Variants in CDH7 observed in about 807,000 individuals in gnomAD.
CDH7 encodes the protein cadherin 7.
CDH7 carries 25 observed loss-of-function variants against 71.8 expected under a neutral mutation model. The ratio of observed to expected loss-of-function variants is 0.35; its 90% confidence interval spans 0.25 to 0.49. CDH7 has a LOEUF of 0.49. CDH7 is among the 20% of genes least tolerant of loss of function. The probability of loss-of-function intolerance (pLI) is 0.99; values close to 1 mark genes in which losing one functional copy is unlikely to be tolerated. For synonymous variants in CDH7, 381 were observed against 363.8 expected (o/e 1.05, Z -0.54); for missense variants, 862 against 974.6 (o/e 0.88, Z 1.54).
intron 5 of CDH7, among the ~76,000 whole-genome samples, chr18:65,822,888 C>G (rs1014750912): frequency 2.6e-5 from 4 of 151,844 alleles, no homozygotes; most frequent in African/African-American, 9.7e-5. Context: ...AAAAAATTCT[C>G]TAGGTAGAGG....
At position 65,884,929 on chromosome 18, in the gene CDH7, T is replaced by G. The variant is rs2144081630; in HGVS notation, c.*4035T>G. 6.6e-6 allele frequency: 1 copy of G among 152,358 alleles called. No homozygotes were observed. The highest frequency in any genetic ancestry group is 1.5e-5 in the Non-Finnish European group (1 of 68,024). 9.4% of individuals were successfully genotyped at this position (152,358 alleles called of 1,614,324 possible). ...GTTGATGAAAGCTTCAACTTATTTTTTAACTCTTTCTGGTCCACGATGCCT... is the reference window on the plus strand; with the variant it reads ...GTTGATGAAAGCTTCAACTTATTTTGTAACTCTTTCTGGTCCACGATGCCT... On this transcript the variant is annotated 3_prime_UTR_variant, in exon 12 of 12. Transcript: ENST00000397968.
chr18:65,785,490 A>G (rs944256491), intron 2 of CDH7, among the ~76,000 whole-genome samples: 80 of 152,240 alleles, frequency 5.3e-4, no homozygotes, highest in African/African-American at 1.9e-3. Flanking sequence ...TAGAGCTTTT[A>G]TTAGTAGAAG....
intron 2 of CDH7, among the ~76,000 whole-genome samples, chr18:65,777,859 C>T (rs977526893): frequency 4.6e-5 from 7 of 152,118 alleles, no homozygotes; most frequent in Middle Eastern, 3.2e-3. Context: ...GAAGTGTTAT[C>T]AGCCATTTAG....
rs1335052582 is a variant in CDH7 at position 65,852,884 on chromosome 18, AAAGAG to A, written c.1236-4929_1236-4925del. On this transcript the variant is annotated intron_variant, in intron 7 of 11. Transcript: ENST00000397968. ...CTATATTTTAAATATTATATCCTGC[AAAGAG>A]AAAAGTTCAGAAGGTAGGGTAATTT... Among the ~76,000 whole-genome samples the A allele has an allele frequency of 2.6e-5, 4 of 152,302 alleles. No homozygotes were observed. In the East Asian group the frequency reaches 7.7e-4, roughly 29 times the overall value.
At chr18:65,878,024 C>G (rs902112581) in intron 11 of CDH7, among the ~76,000 whole-genome samples, 1 of 152,054 alleles carries the variant, frequency 6.6e-6, no homozygotes, top group Non-Finnish European at 1.5e-5. Context: ...TCACCCCTCA[C>G]TATTGCATTT....
At chr18:65,760,860 A>T (rs1432416500) in intron 1 of CDH7, among the ~76,000 whole-genome samples, 1 of 152,176 alleles carries the variant, frequency 6.6e-6, no homozygotes, top group Admixed American at 6.5e-5. Context: ...AAGTTTAAGC[A>T]CGTCCCTGCC....
At chr18:65,753,404 GT>G (rs1224566637) in intron 1 of CDH7, among the ~76,000 whole-genome samples, 36 of 152,084 alleles carry the variant, frequency 2.4e-4, no homozygotes, top group Admixed American at 2.0e-3. Context: ...ATTTCATAAG[GT>G]TTTACATTTA....
At position 65,883,088 on chromosome 18, in the gene CDH7, A is replaced by C. The variant is rs1169338765; in HGVS notation, c.*2194A>C. On this transcript the variant is annotated 3_prime_UTR_variant, in exon 12 of 12. Transcript: ENST00000397968. ...TGTGTTTTTTCTCATTAATTTTTTC[A>C]AATGGTTACCAATGATAGATTGGAA... 1.3e-5 allele frequency: 2 copies of C among 152,002 alleles called. No individual in the cohort carries two copies. The highest frequency in any genetic ancestry group is 2.9e-5 in the Non-Finnish European group (2 of 67,948). 9.4% of individuals were successfully genotyped at this position (152,002 alleles called of 1,614,324 possible).
intron 6 of CDH7, among the ~76,000 whole-genome samples, chr18:65,833,924 A>G (rs567732351): frequency 2.0e-4 from 31 of 152,268 alleles, no homozygotes; most frequent in African/African-American, 7.5e-4. Context: ...TTTGATAGTG[A>G]TTATAGCAGT....
Position 65,844,466 on chromosome 18 carries a change from A to T in CDH7, c.1235+401A>T, listed in dbSNP as rs541414272. On this transcript the variant is annotated intron_variant, in intron 7 of 11. Coordinates refer to ENST00000397968, the MANE Select transcript of CDH7 (RefSeq NM_004361.5). ...CAATTCAAATTAGGGACTAATTTCT[A>T]AACAAATCATTTTATTGATATTGGT... Among the ~76,000 whole-genome samples, 3 of 152,124 alleles carry T rather than the reference A, an allele frequency of 2.0e-5. No homozygotes were observed. In the South Asian group the frequency reaches 6.2e-4, roughly 32 times the overall value.
chr18:65,836,082 C>T (rs1912523325), intron 6 of CDH7, among the ~76,000 whole-genome samples: 2 of 152,144 alleles, frequency 1.3e-5, no homozygotes, highest in Non-Finnish European at 2.9e-5. Context: ...ATACATGCAG[C>T]TTTTGGACAC....
At chr18:65,852,158 A>G (rs907429597) in intron 7 of CDH7, among the ~76,000 whole-genome samples, 1 of 115,584 alleles carries the variant, frequency 8.7e-6, no homozygotes, top group African/African-American at 6.0e-5. Context: ...CAGAGGGGTG[A>G]AAAAAAACAA....
rs779999057 is a variant in CDH7, at chr18:65,822,262, T to C, written c.793+14T>C. 8 of 1,598,296 alleles carry C rather than the reference T, an allele frequency of 5.0e-6. No individual in the cohort carries two copies. The highest frequency in any genetic ancestry group is 6.9e-6 in the Non-Finnish European group (8 of 1,167,436). Reference sequence around the variant, plus strand: ...GCTTTCCTCGAAGTAAGTTGTTTTCTTAAGTGACACAAGTGCAATAACTTT... The same window carrying C: ...GCTTTCCTCGAAGTAAGTTGTTTTCCTAAGTGACACAAGTGCAATAACTTT... On this transcript the variant is annotated intron_variant, in intron 5 of 11. Transcript: ENST00000397968.
At chr18:65,782,298 C>T (rs573062444) in intron 2 of CDH7, among the ~76,000 whole-genome samples, 253 of 151,700 alleles carry the variant, frequency 1.7e-3, no homozygotes, top group African/African-American at 5.9e-3. Flanking sequence ...TCCTGAATAG[C>T]TGGGATTACA....
At chr18:65,769,459 G>T (rs1382395993) in intron 2 of CDH7, among the ~76,000 whole-genome samples, 2 of 152,140 alleles carry the variant, frequency 1.3e-5, no homozygotes, top group African/African-American at 4.8e-5. Context: ...TTATAAATAA[G>T]TTGCAAAGTG....
At chr18:65,781,914 T>C (rs1166311830) in intron 2 of CDH7, among the ~76,000 whole-genome samples, 44 of 65,548 alleles carry the variant, frequency 6.7e-4, no homozygotes, top group East Asian at 2.0e-3. Context: ...CTTTCTCTCT[T>C]TCTCTCTTTC....
intron 6 of CDH7, among the ~76,000 whole-genome samples, chr18:65,825,324 G>A (rs904017318): frequency 2.0e-5 from 3 of 151,734 alleles, no homozygotes; most frequent in African/African-American, 4.8e-5. Context: ...TGCATATTTC[G>A]TACAAGAAAA....
chr18:65,874,642 AT>A (rs1914021273), intron 11 of CDH7, among the ~76,000 whole-genome samples: 1 of 152,134 alleles, frequency 6.6e-6, no homozygotes, highest in Non-Finnish European at 1.5e-5. Context: ...ATGTAAAAAA[AT>A]CTGCACTTCT....
chr18:65,844,973 A>G lies in CDH7; in HGVS notation c.1235+908A>G, dbSNP rs578036363. 5.9e-4 allele frequency among the ~76,000 whole-genome samples: 90 copies of G among 152,170 alleles called. 1 individual carries two copies. Among genetic ancestry groups the G allele is most frequent in the African/African-American group, 2.0e-3 (85 of 41,564 alleles). On this transcript the variant is annotated intron_variant, in intron 7 of 11. Transcript: ENST00000397968. Reference sequence around the variant, plus strand: ...ATATGTTCAATTAGAAACTATCCACAGACTTTTAGATTTAAATAATATTTA... The same window carrying G: ...ATATGTTCAATTAGAAACTATCCACGGACTTTTAGATTTAAATAATATTTA...
Sources: allele counts gnomAD v4.1 joint callset (sites outside exome capture counted in the v4.1 genomes callset), GRCh38; gene constraint gnomAD v4.1.1; transcripts MANE v1.5; gene names NCBI Gene and HGNC (gene_info 2026-07-23, HGNC 2026-07-21).